Variants in RYR2 observed in about 807,000 individuals in gnomAD.
The protein encoded by RYR2 is cardiac muscle ryanodine receptor-calcium release channel.
In RYR2, 227 loss-of-function variants were observed where a neutral mutation model predicts 601.1. The ratio of observed to expected loss-of-function variants is 0.38; its 90% confidence interval spans 0.34 to 0.42. The LOEUF is 0.42. RYR2 is among the 10% of genes least tolerant of loss of function. The pLI is 1.00. For synonymous variants in RYR2, 2,223 were observed against 2,175.1 expected, an observed-to-expected ratio of 1.02 and a Z score of -0.61; for missense variants, 4,646 against 6,156.5, an observed-to-expected ratio of 0.75 and a Z score of 8.21.
intron 58 of RYR2, among the ~76,000 whole-genome samples, chr1:237,670,052 C>T (rs57749080): frequency 0.37 from 56,473 of 151,908 alleles, 10,657 homozygotes; most frequent in East Asian, 0.51. Context: ...CTCCAGAGGC[C>T]GAGGCTGGCG....
intron 2 of RYR2, among the ~76,000 whole-genome samples, chr1:237,322,821 CGTGTGT>C (rs113420477): frequency 2.7e-4 from 38 of 143,146 alleles, no homozygotes; most frequent in South Asian, 4.5e-4. Flanking sequence ...AACACACACA[CGTGTGT>C]GTGTGTGTGT....
chr1:237,771,947 G>T, intron 85 of RYR2, 65 bp from the exon 86 acceptor site: 4 of 908,674 alleles, frequency 4.4e-6, no homozygotes, highest in Non-Finnish European at 7.0e-6. Flanking sequence ...TGCCTTTGGA[G>T]TTCTTAGAAT....
intron 23 of RYR2, among the ~76,000 whole-genome samples, 164 bp from the exon 24 acceptor site, chr1:237,511,524 C>T (rs563984186): frequency 6.0e-4 from 92 of 152,172 alleles, no homozygotes; most frequent in Non-Finnish European, 9.9e-4. Flanking sequence ...CCAGTGACCT[C>T]AGATACTCAC....
intron 23 of RYR2, among the ~76,000 whole-genome samples, chr1:237,510,753 C>T (rs371978882): frequency 1.8e-4 from 28 of 152,270 alleles, no homozygotes; most frequent in Non-Finnish European, 2.9e-4. Context: ...GCGTTAATGC[C>T]GATGCGATTT....
rs554517383 is a variant in RYR2, at chr1:237,205,460, C to T, written c.49-65037C>T. Among the ~76,000 whole-genome samples the T allele has an allele frequency of 8.5e-5, 13 of 152,206 alleles. No homozygotes were observed. In the South Asian group the frequency reaches 1.0e-3, roughly 12 times the overall value. ...AAACATATGGATGCCATGGGGGATC[C>T]GAGCCTGCAGTGCCATGGTGGCGTT... On this transcript the variant is annotated intron_variant, in intron 1 of 104. Coordinates refer to ENST00000366574, the MANE Select transcript of RYR2 (RefSeq NM_001035.3).
chr1:237,081,580 G>A (rs955756436), intron 1 of RYR2, among the ~76,000 whole-genome samples: 24 of 151,530 alleles, frequency 1.6e-4, no homozygotes, highest in Admixed American at 3.3e-4. Context: ...ATGCATTTAT[G>A]TTCCAGATAT....
intron 1 of RYR2, among the ~76,000 whole-genome samples, chr1:237,244,745 C>T (rs553701332): frequency 3.3e-5 from 5 of 152,240 alleles, no homozygotes; most frequent in Non-Finnish European, 5.9e-5. Context: ...CTAAACTCCT[C>T]CTGTATGTCT....
In RYR2 at chr1:237,593,601, T is replaced by C. The variant is rs746106556; in HGVS notation, c.4401T>C (p.Val1467=). The change falls in exon 33 of 105, where the codon GTT becomes GTC. Residue 1467 remains valine, a synonymous_variant. Transcript: ENST00000366574. ...FDLDRVRTVT[V]TLGDEKGKVH... ...TGGACAGAGTTCGCACAGTAACAGT[T>C]ACTCTAGGAGATGAAAAAGGAAAAG... The C allele has an allele frequency of 3.1e-6, 5 of 1,613,940 alleles. 1 individual carries two copies. The South Asian group carries it at 4.4e-5, about 14-fold the overall frequency.
chr1:237,244,396 C>A (rs960493927), intron 1 of RYR2, among the ~76,000 whole-genome samples: 2 of 152,100 alleles, frequency 1.3e-5, no homozygotes, highest in Non-Finnish European at 2.9e-5. Context: ...CCCCAAATGG[C>A]ATGTTCAGAA....
At chr1:237,146,763 C>A (rs144733518) in intron 1 of RYR2, among the ~76,000 whole-genome samples, 8 of 151,998 alleles carry the variant, frequency 5.3e-5, no homozygotes, top group African/African-American at 9.7e-5. Flanking sequence ...TTAAGTATTA[C>A]CCTCATCTAT....
At chr1:237,782,145 CT>C (rs200272944) in intron 89 of RYR2, among the ~76,000 whole-genome samples, 2 of 138,000 alleles carry the variant, frequency 1.4e-5, no homozygotes, top group Admixed American at 7.2e-5. Context: ...TTAATTTTCT[CT>C]TTTTTTTTCT....
chr1:237,726,082 G>T (rs946138263), intron 74 of RYR2, among the ~76,000 whole-genome samples, 191 bp from the exon 75 acceptor site: 1 of 152,008 alleles, frequency 6.6e-6, no homozygotes, highest in Non-Finnish European at 1.5e-5. Flanking sequence ...TCATAGAGGG[G>T]GAAGAGCATC....
intron 2 of RYR2, among the ~76,000 whole-genome samples, chr1:237,307,650 G>T (rs1164354619): frequency 6.6e-6 from 1 of 152,004 alleles, no homozygotes; most frequent in Admixed American, 6.6e-5. Flanking sequence ...AAACTTCAGG[G>T]CTCCTGAAAT....
intron 1 of RYR2, among the ~76,000 whole-genome samples, chr1:237,162,309 C>T (rs548475573): frequency 2.0e-5 from 3 of 152,144 alleles, no homozygotes; most frequent in Admixed American, 6.5e-5. Context: ...GGAATGAACA[C>T]GCCATCACAT....
chr1:237,592,232 C>G (rs1204810548), intron 32 of RYR2, among the ~76,000 whole-genome samples: 1 of 152,126 alleles, frequency 6.6e-6, no homozygotes, highest in Non-Finnish European at 1.5e-5. Context: ...ATTTTAAATT[C>G]TCAAAGCTAC....
At chr1:237,104,250 T>C (rs1044032895) in intron 1 of RYR2, among the ~76,000 whole-genome samples, 3 of 152,296 alleles carry the variant, frequency 2.0e-5, no homozygotes, top group African/African-American at 7.2e-5. Flanking sequence ...GCATTACATT[T>C]GGTACTTGGA....
At chr1:237,627,119 G>C (rs187975466) in intron 40 of RYR2, among the ~76,000 whole-genome samples, 1 of 152,018 alleles carries the variant, frequency 6.6e-6, no homozygotes, top group African/African-American at 2.4e-5. Flanking sequence ...TGCATAAATT[G>C]GTCACCCCAC....
chr1:237,088,651 C>G (rs1189926278), intron 1 of RYR2, among the ~76,000 whole-genome samples: 1 of 152,090 alleles, frequency 6.6e-6, no homozygotes, highest in East Asian at 1.9e-4. Flanking sequence ...AGGATTAAAC[C>G]AGGGATTCAG....
At chr1:237,445,733 T>A (rs1409816435) in intron 14 of RYR2, among the ~76,000 whole-genome samples, 1 of 152,152 alleles carries the variant, frequency 6.6e-6, no homozygotes, top group Non-Finnish European at 1.5e-5. Flanking sequence ...GGAAATTGGA[T>A]GTGTAATTTG....
Sources: gnomAD v4.1 joint callset for allele counts (sites outside exome capture counted in the v4.1 genomes callset) on GRCh38, gnomAD v4.1.1 for gene constraint, MANE v1.5 for transcripts, NCBI Gene and HGNC (gene_info 2026-07-23, HGNC 2026-07-21) for gene names.